RASGRP3: variants seen among roughly 807,000 people sequenced by gnomAD.
RASGRP3 encodes RAS guanyl releasing protein 3.
A neutral mutation model predicts 82.7 loss-of-function variants in RASGRP3; 54 were observed. That is an observed-to-expected ratio of 0.65 (90% CI 0.52 to 0.82). The LOEUF (loss-of-function observed/expected upper bound fraction) is 0.82. Ranked by LOEUF, RASGRP3 falls within the 40% of genes least tolerant of loss-of-function variation. The pLI is 0.00. For missense variants in RASGRP3, 861 were observed against 828.9 expected (o/e 1.04, Z -0.48); for synonymous variants, 309 against 300.5 (o/e 1.03, Z -0.29).
intron 2 of RASGRP3, among the ~76,000 whole-genome samples, chr2:33,468,004 C>CT (rs1349212548): frequency 2.5e-5 from 3 of 122,424 alleles, no homozygotes; most frequent in East Asian, 2.1e-4. Flanking sequence ...TTCTTTCTTT[C>CT]TTTCTTTCTT....
intron 2 of RASGRP3, among the ~76,000 whole-genome samples, chr2:33,452,538 G>T (rs1289768651): frequency 6.6e-6 from 1 of 152,166 alleles, no homozygotes; most frequent in Non-Finnish European, 1.5e-5. Flanking sequence ...TCATGGGAGT[G>T]AATCTGGACC....
At chr2:33,465,462 A>G (rs530467602) in intron 2 of RASGRP3, among the ~76,000 whole-genome samples, 1 of 152,342 alleles carries the variant, frequency 6.6e-6, no homozygotes, top group Non-Finnish European at 1.5e-5. Flanking sequence ...GTTTGAGGCT[A>G]CAGTGAGCTA....
chr2:33,443,423 G>A (rs184887843), intron 1 of RASGRP3, among the ~76,000 whole-genome samples: 112 of 152,220 alleles, frequency 7.4e-4, no homozygotes, highest in African/African-American at 2.6e-3. Context: ...TTGTCTTGCT[G>A]GGTATTACTA....
At chr2:33,529,483 ATC>A (rs1672895131) in intron 10 of RASGRP3, among the ~76,000 whole-genome samples, 1 of 150,044 alleles carries the variant, frequency 6.7e-6, no homozygotes, top group African/African-American at 2.5e-5. Flanking sequence ...GCGAGACTCC[ATC>A]TCAAAAAAAA....
chr2:33,448,188 C>A (rs1193098211), intron 2 of RASGRP3, among the ~76,000 whole-genome samples: 1 of 152,138 alleles, frequency 6.6e-6, no homozygotes, highest in African/African-American at 2.4e-5. Flanking sequence ...TAAATACTTT[C>A]TTATATATTT....
In RASGRP3 at chr2:33,450,055, T is replaced by C. The variant is rs111305309; in HGVS notation, c.-261+2112T>C. On this transcript the variant is annotated intron_variant, in intron 2 of 18. Coordinates refer to the RASGRP3 transcript ENST00000402538. ...GGACTAGAGTCTTCGGAAGACTCAA[T>C]AGGGACTAGAGATTTACTTTTCTTA... Among the ~76,000 whole-genome samples, 353 of 152,316 alleles carry C rather than the reference T, an allele frequency of 2.3e-3. 2 individuals are homozygous for C. The highest frequency in any genetic ancestry group is 8.1e-3 in the African/African-American group (338 of 41,568).
chr2:33,522,274 G>A (rs1211515348), intron 7 of RASGRP3, among the ~76,000 whole-genome samples, 172 bp downstream of exon 7: 4 of 152,058 alleles, frequency 2.6e-5, no homozygotes, highest in East Asian at 1.9e-4. Flanking sequence ...ATATTATCCT[G>A]TCTTTATTTT....
intron 1 of RASGRP3, among the ~76,000 whole-genome samples, chr2:33,486,520 AG>A (rs1668393742): frequency 6.6e-6 from 1 of 152,218 alleles, no homozygotes; most frequent in Non-Finnish European, 1.5e-5. Context: ...ACAAACATGA[AG>A]AATATAGAAT....
intron 1 of RASGRP3, among the ~76,000 whole-genome samples, chr2:33,443,731 A>T (rs962720028): frequency 1.3e-5 from 2 of 150,534 alleles, no homozygotes; most frequent in African/African-American, 4.9e-5. Flanking sequence ...AAAAAAAAAA[A>T]ATAGCTGGGC....
intron 1 of RASGRP3, among the ~76,000 whole-genome samples, chr2:33,439,020 G>A (rs897279272): frequency 6.6e-6 from 1 of 152,162 alleles, no homozygotes; most frequent in Non-Finnish European, 1.5e-5. Context: ...CTGGCCTGAC[G>A]CTGGGTGGGG....
chr2:33,543,955 A>C (rs991508325), intron 13 of RASGRP3, among the ~76,000 whole-genome samples: 3 of 152,308 alleles, frequency 2.0e-5, no homozygotes, highest in African/African-American at 7.2e-5. Flanking sequence ...ATATTGTTAG[A>C]TCTAACCTGG....
intron 4 of RASGRP3, 160 bp downstream of exon 4, chr2:33,516,804 A>G (rs538615967): frequency 2.8e-5 from 14 of 506,116 alleles, no homozygotes; most frequent in African/African-American, 2.5e-4. Flanking sequence ...ACACATCTGG[A>G]TGATAGACCA....
At chr2:33,530,441 T>TA (rs757911423) in intron 10 of RASGRP3, among the ~76,000 whole-genome samples, 44 of 151,346 alleles carry the variant, frequency 2.9e-4, no homozygotes, top group Non-Finnish European at 5.3e-4. Flanking sequence ...TTCTCACACA[T>TA]ACCCTGCAAT....
intron 2 of RASGRP3, among the ~76,000 whole-genome samples, chr2:33,449,602 A>G (rs1204419890): frequency 6.6e-6 from 1 of 152,140 alleles, no homozygotes; most frequent in Non-Finnish European, 1.5e-5. Context: ...TCTACTAAAA[A>G]TACAAAAATT....
chr2:33,527,190 C>A lies in RASGRP3; in HGVS notation c.861C>A (p.Tyr287Ter). Residue 287 changes from tyrosine (Y) to a stop codon, truncating the protein, a stop_gained, in exon 10 of 18, where the codon TAC becomes TAA. Transcript: ENST00000403687. LOFTEE classifies it high-confidence loss of function. ...CCTCCAACGGCAATTACTGCAATTA[C>A]CGCAAGGCCTTTGCCGACTGCGATG... The part of the protein sequence containing the change: ...LVSSNGNYCN[Y>*]RKAFADCDGF... 1 of 1,614,048 alleles carries A rather than the reference C, an allele frequency of 6.2e-7. No individual in the cohort carries two copies. Among genetic ancestry groups the A allele is most frequent in the Non-Finnish European group, 8.5e-7 (1 of 1,179,888 alleles).
chr2:33,528,554 T>G (rs1444415826), intron 10 of RASGRP3, among the ~76,000 whole-genome samples: 1 of 152,216 alleles, frequency 6.6e-6, no homozygotes, highest in African/African-American at 2.4e-5. Context: ...AATACTGAAT[T>G]AACTGTTTTC....
At position 33,520,665 on chromosome 2, in the gene RASGRP3, C is replaced by T. The variant is rs369357266; in HGVS notation, c.349C>T (p.Leu117Phe). 10 of 1,613,944 alleles carry T rather than the reference C, an allele frequency of 6.2e-6. No homozygotes were observed. Among genetic ancestry groups the T allele is most frequent in the East Asian group, 2.2e-5 (1 of 44,878 alleles). Residue 117 changes from leucine (L) to phenylalanine (F), a missense_variant, in exon 6 of 18, where the codon CTC (leucine) becomes TTC (phenylalanine). Leu to Phe is a conservative substitution (Grantham distance 22). Coordinates refer to ENST00000403687, the MANE Select transcript of RASGRP3 (RefSeq NM_001139488.2). ...SQLGYEKHVS[L>F]IDISSIPSYD... ...ACTAGGATATGAAAAACACGTCAGC[C>T]TCATCGACATATCCAGCATGTAAGA...
At chr2:33,536,258 C>T (rs754762309) in intron 11 of RASGRP3, among the ~76,000 whole-genome samples, 8 of 147,246 alleles carry the variant, frequency 5.4e-5, no homozygotes, top group East Asian at 2.0e-4. Flanking sequence ...GCTGAGATCA[C>T]GCCACTGCAC....
chr2:33,438,133 TGAAA>T (rs1665023635), intron 1 of RASGRP3, among the ~76,000 whole-genome samples: 1 of 152,266 alleles, frequency 6.6e-6, no homozygotes, highest in South Asian at 2.1e-4. Context: ...ATTATGAGAA[TGAAA>T]ATGTTTTAAC....
Sources: gnomAD v4.1 joint callset for allele counts (sites outside exome capture counted in the v4.1 genomes callset) on GRCh38, gnomAD v4.1.1 for gene constraint, MANE v1.5 for transcripts, NCBI Gene and HGNC (gene_info 2026-07-23, HGNC 2026-07-21) for gene names.